Variants in FBLN2 observed in about 807,000 individuals in gnomAD.
FBLN2 encodes fibulin-2.
FBLN2 carries 81 observed loss-of-function variants against 123.7 expected under a neutral mutation model. The observed-to-expected ratio is 0.65, with a 90% CI of 0.55 to 0.79. The LOEUF (loss-of-function observed/expected upper bound fraction) is 0.79. FBLN2 is among the 30% of genes least tolerant of loss of function. The pLI is 0.00. For synonymous variants in FBLN2, 699 were observed against 701.4 expected (o/e 1.00, Z 0.05); for missense variants, 1,603 against 1,681.3 (o/e 0.95, Z 0.81).
chr3:13,599,550 GTGGACAGTCATTC>G (rs1421546714), intron 2 of FBLN2, among the ~76,000 whole-genome samples: 1 of 152,056 alleles, frequency 6.6e-6, no homozygotes, highest in African/African-American at 2.4e-5. Context: ...ATTTGTATTT[GTGGACAGTCATTC>G]TATAGCCCTG....
At chr3:13,615,772 C>T (rs759457088) in intron 5 of FBLN2, among the ~76,000 whole-genome samples, 6 of 152,332 alleles carry the variant, frequency 3.9e-5, no homozygotes, top group South Asian at 4.1e-4. Flanking sequence ...AGGCACATGC[C>T]GGGTCTTTGG....
At position 13,629,847 on chromosome 3, in the gene FBLN2, G is replaced by A; in HGVS notation, c.2870G>A (p.Gly957Asp). 6.3e-7 allele frequency: 1 copy of A among 1,584,366 alleles called. No individual in the cohort carries two copies. Among genetic ancestry groups the A allele is most frequent in the South Asian group, 1.2e-5 (1 of 86,504 alleles). Reference sequence around the variant, plus strand: ...GTGAATGAGTGCTGGGCCTCGCCAGGCCGCCTGTGCCAGCACACGTGTGAG... The same window carrying A: ...GTGAATGAGTGCTGGGCCTCGCCAGACCGCCTGTGCCAGCACACGTGTGAG... ...IDVNECWASP[G>D]RLCQHTCENT... The change falls in exon 14 of 18, where the codon GGC becomes GAC. Residue 957 changes from glycine (G) to aspartate (D), a missense_variant. Physicochemically the swap from Gly to Asp is moderately conservative, Grantham distance 94. Coordinates refer to ENST00000404922, the MANE Select transcript of FBLN2 (RefSeq NM_001004019.2).
chr3:13,578,099 A>C (rs1400840875), intron 2 of FBLN2, among the ~76,000 whole-genome samples: 1 of 152,076 alleles, frequency 6.6e-6, no homozygotes, highest in African/African-American at 2.4e-5. Context: ...GCCGGACCCA[A>C]CCCATCTTGA....
rs756275034 is a variant in FBLN2, at chr3:13,571,435, G to A, written c.1080G>A (p.Pro360=). 18 of 1,612,646 alleles carry A rather than the reference G, an allele frequency of 1.1e-5. No homozygotes were observed. Among genetic ancestry groups the A allele is most frequent in the South Asian group, 4.4e-5 (4 of 90,726 alleles). The change falls in exon 2 of 18, where the codon CCG becomes CCA. Residue 360 remains proline, a synonymous_variant. Transcript: ENST00000404922. ...GGCCGGAGGGCGTGACGCATGCACC[G>A]AGCCTGGGCAAGGCTGCTCTCGTCC... The part of the protein sequence containing the change: ...STGPEGVTHA[P]SLGKAALVPT...
chr3:13,637,363 C>T (rs750915405), intron 17 of FBLN2, among the ~76,000 whole-genome samples, 199 bp from the exon 18 acceptor site: 9 of 152,186 alleles, frequency 5.9e-5, no homozygotes, highest in African/African-American at 9.7e-5. Flanking sequence ...TCCAGTGAGC[C>T]GGTGAAGGTT....
intron 1 of FBLN2, among the ~76,000 whole-genome samples, chr3:13,550,613 G>T (rs1478120299): frequency 6.6e-6 from 1 of 152,238 alleles, no homozygotes; most frequent in Admixed American, 6.5e-5. Flanking sequence ...GCCTGGCATG[G>T]ATTGGGAGCT....
intron 2 of FBLN2, among the ~76,000 whole-genome samples, chr3:13,592,420 T>A (rs1234109855): frequency 6.6e-6 from 1 of 152,248 alleles, no homozygotes; most frequent in Non-Finnish European, 1.5e-5. Context: ...ATTTTTAATA[T>A]CTGCTAGTGA....
chr3:13,623,743 G>A (rs913356327), intron 9 of FBLN2, among the ~76,000 whole-genome samples: 2 of 152,188 alleles, frequency 1.3e-5, no homozygotes, highest in African/African-American at 2.4e-5. Context: ...CCTTAAACCA[G>A]TTGGTTAAAC....
At chr3:13,566,280 T>G (rs1703744678) in intron 1 of FBLN2, among the ~76,000 whole-genome samples, 1 of 152,232 alleles carries the variant, frequency 6.6e-6, no homozygotes, top group African/African-American at 2.4e-5. Context: ...TGTTTGATTC[T>G]GTGACCCTGC....
At chr3:13,609,692 G>GGGGGGGGGGGGGGGGC in intron 4 of FBLN2, 50 bp downstream of exon 4, 4 of 508,394 alleles carry the variant, frequency 7.9e-6, no homozygotes, top group Non-Finnish European at 1.5e-5. Context: ...GGCGGGGCGG[G>GGGGGGGGGGGGGGGGC]AGGCTGGCCT....
intron 2 of FBLN2, among the ~76,000 whole-genome samples, chr3:13,580,109 C>T (rs183379683): frequency 3.3e-5 from 5 of 152,300 alleles, no homozygotes; most frequent in Non-Finnish European, 7.4e-5. Context: ...TCGACCCTGC[C>T]TAGCTTGTTG....
At chr3:13,600,432 C>T (rs921962869) in intron 2 of FBLN2, among the ~76,000 whole-genome samples, 4 of 151,946 alleles carry the variant, frequency 2.6e-5, no homozygotes, top group African/African-American at 9.7e-5. Flanking sequence ...AGGCAGAGAG[C>T]GCCATTCAAC....
Position 13,618,979 on chromosome 3 carries a change from C to G in FBLN2, c.2015C>G (p.Thr672Ser). The G allele has an allele frequency of 6.2e-7, 1 of 1,612,904 alleles. No individual in the cohort carries two copies. The highest frequency in any genetic ancestry group is 8.5e-7 in the Non-Finnish European group (1 of 1,179,646). The change falls in exon 7 of 18, where the codon ACC becomes AGC. Residue 672 changes from threonine to serine, a missense_variant. Physicochemically the swap from Thr to Ser is moderately conservative, Grantham distance 58 (BLOSUM62 1). Transcript: ENST00000404922. ...GAATTTTCCCAGGTGGCCTCTAACA[C>G]CATCCCGCTGCCACTGCCGCAGCCC... Reference protein sequence around the residue: ...KSEFSQVASNTIPLPLPQPNT... With the variant: ...KSEFSQVASNSIPLPLPQPNT...
At chr3:13,551,626 G>A (rs559588826) in intron 1 of FBLN2, among the ~76,000 whole-genome samples, 27 of 152,258 alleles carry the variant, frequency 1.8e-4, no homozygotes, top group African/African-American at 6.0e-4. Flanking sequence ...GCCGTGGGGG[G>A]AGTGCCCTGA....
rs766937512 is a variant in FBLN2 at position 13,570,708 on chromosome 3, C to T, written c.353C>T (p.Pro118Leu). ...SCQFMLCPEL[P>L]PNCIEAVVVA... ...CAGTTCATGCTGTGCCCGGAGCTGC[C>T]GCCCAACTGCATCGAGGCTGTAGTG... Residue 118 changes from proline to leucine, a missense_variant, in exon 2 of 18, where the codon CCG becomes CTG. By Grantham distance (98) the Pro-to-Leu change is moderately conservative. Coordinates refer to ENST00000404922, the MANE Select transcript of FBLN2 (RefSeq NM_001004019.2). The T allele has an allele frequency of 5.5e-5, 88 of 1,595,230 alleles. No individual in the cohort carries two copies. The highest frequency in any genetic ancestry group is 3.3e-4 in the Middle Eastern group (2 of 6,056).
chr3:13,609,684 C>CGGGGGG, intron 4 of FBLN2, 42 bp downstream of exon 4: 2 of 196,566 alleles, frequency 1.0e-5, no homozygotes, highest in East Asian at 2.0e-4. Context: ...TGGGGTGGGG[C>CGGGGGG]GGGGCGGGAG....
intron 2 of FBLN2, among the ~76,000 whole-genome samples, chr3:13,576,266 C>T (rs1209786786): frequency 6.6e-6 from 1 of 152,218 alleles, no homozygotes; most frequent in African/African-American, 2.4e-5. Flanking sequence ...GGGAACACTG[C>T]TGACACTGCA....
intron 2 of FBLN2, among the ~76,000 whole-genome samples, chr3:13,585,844 G>T (rs1018210911): frequency 7.9e-5 from 12 of 152,202 alleles, no homozygotes; most frequent in African/African-American, 2.9e-4. Context: ...GTTAGTTACA[G>T]TGCATCATAC....
Position 13,636,496 on chromosome 3 carries a change from G to C in FBLN2, c.3266G>C (p.Cys1089Ser). 1 of 1,613,856 alleles carries C rather than the reference G, an allele frequency of 6.2e-7. No homozygotes were observed. The highest frequency in any genetic ancestry group is 8.5e-7 in the Non-Finnish European group (1 of 1,179,824). Residue 1089 changes from cysteine to serine, a missense_variant, in exon 17 of 18, where the codon TGC becomes TCC. Cys to Ser is a moderately radical substitution (Grantham distance 112, BLOSUM62 -1). Transcript: ENST00000404922. ...CACAACTGTTCCGAGGCTGAGACCT[G>C]CCACAACATCCAGGGTAGCTTCCGC... Reference protein sequence around the residue: ...GTHNCSEAETCHNIQGSFRCL... With the variant: ...GTHNCSEAETSHNIQGSFRCL...
Sources: allele counts gnomAD v4.1 joint callset (sites outside exome capture counted in the v4.1 genomes callset), GRCh38; gene constraint gnomAD v4.1.1; transcripts MANE v1.5; gene names NCBI Gene and HGNC (gene_info 2026-07-23, HGNC 2026-07-21).